Variants in ZC3H18 observed in about 807,000 individuals in gnomAD.
ZC3H18 encodes zinc finger CCCH domain-containing protein 18.
A neutral mutation model predicts 106.1 loss-of-function variants in ZC3H18; 8 were observed. The observed-to-expected ratio is 0.08, with a 90% CI of 0.04 to 0.14. ZC3H18 has a LOEUF of 0.14. Among genes scored for constraint, ZC3H18 ranks in the 10% least tolerant of loss-of-function variants. The pLI, the probability that ZC3H18 is intolerant of heterozygous loss-of-function variation, is 1.00. For synonymous variants in ZC3H18, 635 were observed against 522.1 expected (o/e 1.22, Z -2.95); for missense variants, 1,318 against 1,278.4 (o/e 1.03, Z -0.47).
chr16:88,615,790 C>T (rs1012577331), intron 8 of ZC3H18, among the ~76,000 whole-genome samples: 2 of 152,238 alleles, frequency 1.3e-5, no homozygotes, highest in Non-Finnish European at 2.9e-5. Context: ...CCCCCTTCCC[C>T]AGCCCCTAGT....
chr16:88,617,067 T>C (rs1311650370), intron 8 of ZC3H18, among the ~76,000 whole-genome samples: 1 of 152,154 alleles, frequency 6.6e-6, no homozygotes, highest in Non-Finnish European at 1.5e-5. Context: ...GGAAGGATAA[T>C]GCTGAGCCCC....
At chr16:88,575,194 T>C (rs1371626708) in intron 1 of ZC3H18, among the ~76,000 whole-genome samples, 1 of 151,970 alleles carries the variant, frequency 6.6e-6, no homozygotes. Flanking sequence ...TAACTGTAGG[T>C]TGATACCAAT....
At chr16:88,607,590 G>T (rs937024910) in intron 6 of ZC3H18, among the ~76,000 whole-genome samples, 1 of 151,900 alleles carries the variant, frequency 6.6e-6, no homozygotes, top group East Asian at 1.9e-4. Context: ...TGTATCAGGC[G>T]TCTCCCCATT....
In ZC3H18 at chr16:88,627,306, T is replaced by C; in HGVS notation, c.2109-316T>C. 1 of 238,312 alleles carries C rather than the reference T, an allele frequency of 4.2e-6. No individual in the cohort carries two copies. Among genetic ancestry groups the C allele is most frequent in the Non-Finnish European group, 8.2e-6 (1 of 122,340 alleles). The allele number at this position is 238,312 out of a possible 1,614,324, so 14.8% of individuals were successfully genotyped here. On this transcript the variant is annotated intron_variant, in intron 13 of 17. Coordinates refer to ENST00000301011, the MANE Select transcript of ZC3H18 (RefSeq NM_144604.4). This position sits in a 1 kb window ranked among gnomAD's most constrained non-coding sequence, Gnocchi z 4.5. ...GCTGGTCCCGAACTCCTGACATCAGTTCAGCTGGGTCTCAGACCCCATTGC... is the reference window on the plus strand; with the variant it reads ...GCTGGTCCCGAACTCCTGACATCAGCTCAGCTGGGTCTCAGACCCCATTGC...
chr16:88,625,150 G>T lies in ZC3H18; in HGVS notation c.2043-52G>T, dbSNP rs185861308. 6.9e-5 allele frequency: 107 copies of T among 1,547,972 alleles called. No homozygotes were observed. The African/African-American group carries it at 1.1e-3, about 17-fold the overall frequency. ...GCTGCTGGTGGGGAGGGGAGGCCGC[G>T]AGGGGCTGTGGAGGCCACGCCCCCT... On this transcript the variant is annotated intron_variant, in intron 12 of 17. Transcript: ENST00000301011.
At chr16:88,598,858 T>C in intron 5 of ZC3H18, 146 bp downstream of exon 5, 1 of 699,024 alleles carries the variant, frequency 1.4e-6, no homozygotes, top group Non-Finnish European at 2.2e-6. Flanking sequence ...TCTTTATTTT[T>C]TATTTATTTA....
intron 6 of ZC3H18, among the ~76,000 whole-genome samples, chr16:88,600,803 T>C (rs1904709290): frequency 6.6e-6 from 1 of 152,198 alleles, no homozygotes; most frequent in African/African-American, 2.4e-5. Flanking sequence ...TTGCATGGCA[T>C]ATAAAGTGCT....
chr16:88,631,200 G>T lies in ZC3H18; in HGVS notation c.2763G>T (p.Lys921Asn). 6.2e-7 allele frequency: 1 copy of T among 1,613,886 alleles called. No homozygotes were observed. Among genetic ancestry groups the T allele is most frequent in the Non-Finnish European group, 8.5e-7 (1 of 1,180,038 alleles). The change falls in exon 18 of 18, where the codon AAG becomes AAT. Residue 921 changes from lysine to asparagine, a missense_variant. Around this residue, in one of 6 missense-constraint regions of ZC3H18, gnomAD observed 848 missense variants for 821.7 expected, o/e 1.03. Coordinates refer to ENST00000301011, the MANE Select transcript of ZC3H18 (RefSeq NM_144604.4). Reference protein sequence around the residue: ...DPGAASTKSGKASTLSRREEL... With the variant: ...DPGAASTKSGNASTLSRREEL... ...GCGCCGCCAGCACCAAATCAGGGAA[G>T]GCCAGCACGCTGTCTCGGCGGGAGG...
intron 6 of ZC3H18, among the ~76,000 whole-genome samples, chr16:88,606,626 A>G (rs1179874359): frequency 6.6e-6 from 1 of 152,026 alleles, no homozygotes; most frequent in Non-Finnish European, 1.5e-5. Context: ...CTGGCTGCTG[A>G]TGTGTTTTTT....
At chr16:88,605,063 C>T (rs545929014) in intron 6 of ZC3H18, among the ~76,000 whole-genome samples, 142 of 152,354 alleles carry the variant, frequency 9.3e-4, no homozygotes, top group African/African-American at 3.4e-3. Context: ...AAGCACACTC[C>T]CTTTCCTCAG....
At chr16:88,585,328 G>T (rs193229593) in intron 2 of ZC3H18, among the ~76,000 whole-genome samples, 109 of 152,360 alleles carry the variant, frequency 7.2e-4, no homozygotes, top group Non-Finnish European at 1.4e-3. Flanking sequence ...CGTAAATCCA[G>T]GGTTTGGTTT....
chr16:88,625,169 G>C, intron 12 of ZC3H18, 33 bp from the exon 13 acceptor site: 2 of 1,557,548 alleles, frequency 1.3e-6, no homozygotes, highest in Admixed American at 3.9e-5. Flanking sequence ...TGGAGGCCAC[G>C]CCCCCTGAGC....
chr16:88,625,351 G>A, intron 13 of ZC3H18, 84 bp downstream of exon 13: 1 of 1,512,308 alleles, frequency 6.6e-7, no homozygotes, highest in Non-Finnish European at 9.0e-7. Context: ...GGGTTGGGCT[G>A]TCTCCCACAG....
intron 3 of ZC3H18, among the ~76,000 whole-genome samples, chr16:88,588,897 AAGTC>A (rs1915588977): frequency 1.3e-5 from 2 of 152,098 alleles, no homozygotes; most frequent in African/African-American, 4.8e-5. Flanking sequence ...GAAAAAAAAA[AAGTC>A]AGAAGCTAGA....
chr16:88,574,972 G>GGCACCCGCCACC (rs1201612573), intron 1 of ZC3H18, among the ~76,000 whole-genome samples: 1 of 151,330 alleles, frequency 6.6e-6, no homozygotes, highest in African/African-American at 2.4e-5. Context: ...TGGGAACACA[G>GGCACCCGCCACC]GCACCCGCCA....
At chr16:88,625,359 C>T (rs961865710) in intron 13 of ZC3H18, 92 bp downstream of exon 13, 22 of 1,498,622 alleles carry the variant, frequency 1.5e-5, no homozygotes, top group Non-Finnish European at 2.0e-5. Context: ...CTGTCTCCCA[C>T]AGGTGGGCTG....
At chr16:88,625,969 C>G (rs1473840700) in intron 13 of ZC3H18, 2 of 151,922 alleles carry the variant, frequency 1.3e-5, no homozygotes, top group Non-Finnish European at 2.9e-5. Context: ...ACTACAGGCG[C>G]ACACTGCCAC....
At chr16:88,630,748 CA>C (rs1438601645) in intron 17 of ZC3H18, among the ~76,000 whole-genome samples, 167 bp downstream of exon 17, 148 of 71,234 alleles carry the variant, frequency 2.1e-3, no homozygotes, top group African/African-American at 2.8e-3. Flanking sequence ...ATTGCAGCCC[CA>C]CCCCCCACCC....
At chr16:88,611,172 CACAG>C (rs1183857632) in intron 7 of ZC3H18, 92 bp from the exon 8 acceptor site, 43 of 693,116 alleles carry the variant, frequency 6.2e-5, no homozygotes, top group African/African-American at 1.1e-4. Context: ...GATTCTGTGA[CACAG>C]ACAGATCGCG....
Sources: allele counts gnomAD v4.1 joint callset (sites outside exome capture counted in the v4.1 genomes callset), GRCh38; gene constraint gnomAD v4.1.1; regional missense constraint gnomAD v4.1.1; non-coding constraint Gnocchi (gnomAD v3.1); transcripts MANE v1.5; gene names NCBI Gene and HGNC (gene_info 2026-07-23, HGNC 2026-07-21).